Variants in JMJD1C observed in about 807,000 individuals in gnomAD.
JMJD1C encodes the protein jumonji domain containing 1C, also known as jumonji domain-containing protein 1C.
JMJD1C carries 31 observed loss-of-function variants against 245.3 expected under a neutral mutation model. The ratio of observed to expected loss-of-function variants is 0.13; its 90% CI spans 0.09 to 0.17. The LOEUF (loss-of-function observed/expected upper bound fraction) is 0.17. Among genes scored for constraint, JMJD1C ranks in the 10% least tolerant of loss-of-function variants. JMJD1C has a pLI of 1.00. For missense variants in JMJD1C, 2,691 were observed against 3,000.2 expected (o/e 0.90, Z 2.41); for synonymous variants, 1,057 against 1,017.4 (o/e 1.04, Z -0.74).
chr10:63,296,934 C>G (rs73292333), intron 2 of JMJD1C, among the ~76,000 whole-genome samples: 2,828 of 152,218 alleles, frequency 0.019, 91 homozygotes, highest in African/African-American at 0.065. Context: ...TTTCATAAAT[C>G]AGGTTACACA....
At chr10:63,393,681 T>C (rs1948255708) in intron 1 of JMJD1C, among the ~76,000 whole-genome samples, 1 of 152,148 alleles carries the variant, frequency 6.6e-6, no homozygotes, top group African/African-American at 2.4e-5. Flanking sequence ...AATATATACA[T>C]AATAAAATAC....
chr10:63,449,726 T>A (rs1951923956), intron 1 of JMJD1C, among the ~76,000 whole-genome samples: 1 of 152,052 alleles, frequency 6.6e-6, no homozygotes, highest in African/African-American at 2.4e-5. Context: ...CAAACATGAA[T>A]AGCTGGAGGG....
chr10:63,452,521 T>C (rs1250071787), intron 1 of JMJD1C, among the ~76,000 whole-genome samples: 2 of 152,188 alleles, frequency 1.3e-5, no homozygotes, highest in African/African-American at 2.4e-5. Flanking sequence ...TGGAAAACTG[T>C]GCAGTGGTTC....
At chr10:63,303,732 C>G (rs1445593784) in intron 2 of JMJD1C, among the ~76,000 whole-genome samples, 1 of 152,100 alleles carries the variant, frequency 6.6e-6, no homozygotes, top group African/African-American at 2.4e-5. Context: ...TTTCATGCAT[C>G]TAAGATCAAT....
chr10:63,392,876 A>ACAAACACC (rs1263674914), intron 1 of JMJD1C, among the ~76,000 whole-genome samples: 1 of 133,336 alleles, frequency 7.5e-6, no homozygotes, highest in Non-Finnish European at 1.6e-5. Flanking sequence ...AAACACACAC[A>ACAAACACC]CACACACACA....
Position 63,465,788 on chromosome 10 carries a change from G to A in JMJD1C, c.-126C>T. 1 of 1,154,884 alleles carries A rather than the reference G, an allele frequency of 8.7e-7. No individual in the cohort carries two copies. Among genetic ancestry groups the A allele is most frequent in the Non-Finnish European group, 1.3e-6 (1 of 795,680 alleles). 71.5% of individuals were successfully genotyped at this position (1,154,884 alleles called of 1,614,324 possible). A position where few individuals can be genotyped will look rare whatever the true frequency, so the allele number is the denominator to read the frequency against. On this transcript the variant is annotated 5_prime_UTR_variant, in exon 1 of 26. Coordinates refer to ENST00000399262, the MANE Select transcript of JMJD1C (RefSeq NM_032776.3). ...ACAGCAGCGGACCCGAAAGAGCGCA[G>A]ACTCGGGACGAACCGGCCGCTCTGC...
intron 2 of JMJD1C, among the ~76,000 whole-genome samples, chr10:63,340,658 G>C (rs1589526517): frequency 6.6e-6 from 1 of 152,154 alleles, no homozygotes; most frequent in East Asian, 1.9e-4. Flanking sequence ...AGAAACAAAA[G>C]GATAGGCCAG....
At chr10:63,172,547 C>G (rs72829155) in intron 24 of JMJD1C, among the ~76,000 whole-genome samples, 3,609 of 152,084 alleles carry the variant, frequency 0.024, 56 homozygotes, top group Non-Finnish European at 0.033. Context: ...AGATAAATCT[C>G]TTACTTCATC....
intron 2 of JMJD1C, among the ~76,000 whole-genome samples, chr10:63,318,874 A>G (rs915847721): frequency 2.0e-5 from 3 of 152,110 alleles, no homozygotes; most frequent in Non-Finnish European, 4.4e-5. Flanking sequence ...ATCTAAACTT[A>G]TTTTTAATAT....
chr10:63,305,471 T>G (rs1410036926), intron 2 of JMJD1C, among the ~76,000 whole-genome samples: 1 of 145,014 alleles, frequency 6.9e-6, no homozygotes. Context: ...TCTCTCTCTC[T>G]CTCTCTCTCT....
intron 2 of JMJD1C, chr10:63,268,610 C>A (rs1030937448): frequency 2.7e-6 from 2 of 736,418 alleles, no homozygotes; most frequent in African/African-American, 1.9e-5. Flanking sequence ...AGAAGAAAAA[C>A]CAAATGTAAA....
intron 1 of JMJD1C, chr10:63,521,325 G>C (rs1955224924): frequency 1.4e-5 from 2 of 147,322 alleles, no homozygotes; most frequent in South Asian, 4.2e-4. Context: ...TCCGGACTAG[G>C]CTGCCGGGCC....
chr10:63,509,141 G>C (rs1217578021), intron 1 of JMJD1C, among the ~76,000 whole-genome samples: 2 of 152,188 alleles, frequency 1.3e-5, no homozygotes, highest in Non-Finnish European at 2.9e-5. Flanking sequence ...ATGAATTAGT[G>C]TTGGATTTTA....
At position 63,215,325 on chromosome 10, in the gene JMJD1C, T is replaced by C; in HGVS notation, c.953A>G (p.Asp318Gly). 1 of 1,614,172 alleles carries C rather than the reference T, an allele frequency of 6.2e-7. No homozygotes were observed. ...SIRPNKRKGSDSSIPDEEKMK... is the reference protein window; with the variant it reads ...SIRPNKRKGSGSSIPDEEKMK... ...CTTCTCTTCATCTGGTATACTGCTATCTGAGCCCTTCCTCTTATTTGGACG... is the reference window on the plus strand; with the variant it reads ...CTTCTCTTCATCTGGTATACTGCTACCTGAGCCCTTCCTCTTATTTGGACG... The change falls in exon 7 of 26, where the codon GAT (aspartate) becomes GGT (glycine). Residue 318 changes from aspartate to glycine, a missense_variant. This residue lies in a region of JMJD1C where 1,562 missense variants were observed against 1,490.7 expected (regional missense o/e 1.05). Transcript: ENST00000399262.
chr10:63,430,560 GA>G (rs1402743442), intron 1 of JMJD1C, among the ~76,000 whole-genome samples: 1 of 152,168 alleles, frequency 6.6e-6, no homozygotes, highest in East Asian at 1.9e-4. Context: ...CAAGAGAGTA[GA>G]TAAGCGGTTG....
chr10:63,205,823 CATTTTTTGTTT>C (rs1285355653), intron 10 of JMJD1C, among the ~76,000 whole-genome samples: 5 of 151,924 alleles, frequency 3.3e-5, no homozygotes, highest in Non-Finnish European at 5.9e-5. Flanking sequence ...TACATTCCAT[CATTTTTTGTTT>C]ATTTTTTGAG....
intron 2 of JMJD1C, among the ~76,000 whole-genome samples, chr10:63,366,282 ACT>A (rs1945832309): frequency 6.6e-6 from 1 of 152,186 alleles, no homozygotes; most frequent in Non-Finnish European, 1.5e-5. Flanking sequence ...TTCTGTGAGT[ACT>A]GTCATACACT....
chr10:63,429,665 G>A (rs1012240008), intron 1 of JMJD1C, among the ~76,000 whole-genome samples: 2 of 152,158 alleles, frequency 1.3e-5, no homozygotes, highest in Non-Finnish European at 2.9e-5. Context: ...TGCCAGTTGA[G>A]AAAGCAGCAC....
chr10:63,191,315 G>A (rs750729314), intron 16 of JMJD1C, among the ~76,000 whole-genome samples: 1 of 152,102 alleles, frequency 6.6e-6, no homozygotes, highest in Non-Finnish European at 1.5e-5. Context: ...TGTATTTTTA[G>A]TAGAGACGGG....
Sources: allele counts gnomAD v4.1 joint callset (sites outside exome capture counted in the v4.1 genomes callset), GRCh38; gene constraint gnomAD v4.1.1; regional missense constraint gnomAD v4.1.1; transcripts MANE v1.5; gene names NCBI Gene and HGNC (gene_info 2026-07-23, HGNC 2026-07-21).